The following FAHD1 variants were observed in gnomAD, a reference collection of about 807,000 sequenced individuals.
FAHD1 encodes the protein FAH domain containing oxaloacetate decarboxylase 1.
A neutral mutation model predicts 12.7 loss-of-function variants in FAHD1; 14 were observed. The ratio of observed to expected loss-of-function variants is 1.10; its 90% CI spans 0.73 to 1.72. FAHD1 has a LOEUF of 1.72. Among genes scored for constraint, FAHD1 ranks in the 40% most tolerant of loss-of-function variants. FAHD1 has a pLI of 0.00. For missense variants in FAHD1, 351 were observed against 298.9 expected, an observed-to-expected ratio of 1.17 and a Z score of -1.29; for synonymous variants, 153 against 124.9, an observed-to-expected ratio of 1.22 and a Z score of -1.50.
downstream of FAHD1, among the ~76,000 whole-genome samples, chr16:1,831,703 C>T (rs3903205): frequency 0.18 from 27,102 of 152,056 alleles, 2,559 homozygotes; most frequent in South Asian, 0.27. Flanking sequence ...CTGTTACAAA[C>T]GGAGCCACAC....
At position 1,834,945 on chromosome 16, in the gene FAHD1, C is replaced by T. The variant is rs545531548; in HGVS notation, c.628-3071C>T. Reference sequence around the variant, plus strand: ...AGCGAAACTCTGTCCCCCCCACCCCCCCCCACTAAAAAAAATGTCTAATGC... The same window carrying T: ...AGCGAAACTCTGTCCCCCCCACCCCTCCCCACTAAAAAAAATGTCTAATGC... On this transcript the variant is annotated intron_variant, in intron 1 of 2. Transcript: ENST00000382666. Among the ~76,000 whole-genome samples, 4 of 144,860 alleles carry T rather than the reference C, an allele frequency of 2.8e-5. No homozygotes were observed. In the East Asian group the frequency reaches 9.0e-4, roughly 32 times the overall value.
intron 2 of FAHD1, chr16:1,839,203 A>G: frequency 6.7e-7 from 1 of 1,482,322 alleles, no homozygotes; most frequent in South Asian, 1.4e-5. Context: ...TTTTTGGGAA[A>G]AAGCATTCAC....
exon 3 of FAHD1, chr16:1,839,795 A>AC: frequency 1.1e-5 from 2 of 180,396 alleles, no homozygotes; most frequent in South Asian, 1.3e-4. Flanking sequence ...ACGCCTCAGG[A>AC]CTGACTGGTG....
downstream of FAHD1, among the ~76,000 whole-genome samples, chr16:1,829,443 C>G (rs538360717): frequency 6.6e-6 from 1 of 152,254 alleles, no homozygotes; most frequent in Admixed American, 6.5e-5. Flanking sequence ...TAAAGTCACT[C>G]AGCTTAGTGG....
At chr16:1,828,494 G>A (rs1898557344) in exon 1 of FAHD1, 1 of 1,000,074 alleles carries the variant, frequency 1.0e-6, no homozygotes, top group African/African-American at 1.7e-5. Context: ...CTTTTCAGTG[G>A]GTTATCTCTA....
At chr16:1,828,633 T>C in exon 1 of FAHD1, 1 of 985,408 alleles carries the variant, frequency 1.0e-6, no homozygotes, top group Non-Finnish European at 1.2e-6. Context: ...AAAATAAAAA[T>C]CTCCACAAAT....
At chr16:1,828,008 G>A in exon 1 of FAHD1, 2 of 1,509,812 alleles carry the variant, frequency 1.3e-6, no homozygotes, top group Non-Finnish European at 1.8e-6. Context: ...TTGGCCGGAC[G>A]CGGTGGCTCA....
At chr16:1,839,556 G>A in exon 3 of FAHD1, 1 of 884,400 alleles carries the variant, frequency 1.1e-6, no homozygotes, top group Non-Finnish European at 1.7e-6. Flanking sequence ...CTTACTGAGT[G>A]TTCAGTGCTA....
Position 1,828,588 on chromosome 16 carries a change from T to C in FAHD1, c.*684T>C, listed in dbSNP as rs1898559524. 4 of 1,000,026 alleles carry C rather than the reference T, an allele frequency of 4.0e-6. No homozygotes were observed. The South Asian group carries it at 1.4e-4, about 35-fold the overall frequency. The allele number at this position is 1,000,026 out of a possible 1,614,324, so 61.9% of individuals were successfully genotyped here. On this transcript the variant is annotated 3_prime_UTR_variant, in exon 1 of 1. Coordinates refer to ENST00000427358, the Ensembl canonical transcript of FAHD1. ...ATAACTTTCCGTTGTTTACCAAATT[T>C]TCTTAGATTTGGTCATCATCAGGAA...
chr16:1,832,461 G>A (rs1014286449), downstream of FAHD1, among the ~76,000 whole-genome samples: 5 of 147,150 alleles, frequency 3.4e-5, no homozygotes, highest in African/African-American at 4.9e-5. Flanking sequence ...GTGAGCCACC[G>A]CGCCTGGCCT....
chr16:1,828,537 A>T, exon 1 of FAHD1: 1 of 1,000,282 alleles, frequency 1.0e-6, no homozygotes, highest in African/African-American at 1.7e-5. Context: ...TAAAAACTGC[A>T]GAGAAAACTG....
exon 1 of FAHD1, chr16:1,827,976 T>C (rs1898537247): frequency 7.1e-6 from 11 of 1,551,410 alleles, no homozygotes; most frequent in Non-Finnish European, 9.6e-6. Flanking sequence ...AATGTCACAA[T>C]CCTTTAATTA....
exon 1 of FAHD1, chr16:1,827,935 G>A (rs373101087): frequency 1.9e-6 from 3 of 1,599,794 alleles, no homozygotes; most frequent in Non-Finnish European, 2.6e-6. Context: ...GAGAGAGAAG[G>A]GAGCAAGACA....
At chr16:1,829,096 G>A (rs238682), downstream of FAHD1, among the ~76,000 whole-genome samples, 77,406 of 151,970 alleles carry the variant, frequency 0.51, 21,204 homozygotes, top group Middle Eastern at 0.67. Context: ...GAATAGCCTG[G>A]GACTGCTGCT....
exon 3 of FAHD1, chr16:1,839,492 A>G: frequency 2.0e-6 from 3 of 1,479,764 alleles, no homozygotes; most frequent in Non-Finnish European, 2.7e-6. Flanking sequence ...TACAAATTTC[A>G]TCTGTAGCAG....
exon 1 of FAHD1, chr16:1,827,525 T>C (rs769862861): frequency 1.9e-6 from 3 of 1,613,154 alleles, no homozygotes; most frequent in Non-Finnish European, 2.5e-6. Flanking sequence ...GGCTATGCCC[T>C]GTGCCTGGAT....
intron 1 of FAHD1, among the ~76,000 whole-genome samples, chr16:1,837,341 G>A (rs925255882): frequency 1.3e-5 from 2 of 152,070 alleles, no homozygotes; most frequent in Non-Finnish European, 2.9e-5. Context: ...ACCACAGGGT[G>A]GGTGGGGGTG....
exon 1 of FAHD1, chr16:1,828,482 G>A (rs1400422627): frequency 5.5e-5 from 55 of 1,000,416 alleles, no homozygotes; most frequent in Non-Finnish European, 6.4e-5. Context: ...GATTAGAGAA[G>A]ACTTTTCAGT....
exon 1 of FAHD1, chr16:1,828,702 G>GTGTT (rs1313422772): frequency 1.1e-6 from 1 of 919,040 alleles, no homozygotes; most frequent in Non-Finnish European, 1.3e-6. Flanking sequence ...CAGTGAAGCT[G>GTGTT]TGTTTACAGG....
Sources: gnomAD v4.1 joint callset for allele counts (sites outside exome capture counted in the v4.1 genomes callset) on GRCh38, gnomAD v4.1.1 for gene constraint, MANE v1.5 for transcripts, NCBI Gene and HGNC (gene_info 2026-07-23, HGNC 2026-07-21) for gene names.